Variants in FNDC3B observed in about 807,000 individuals in gnomAD.
The protein encoded by FNDC3B is fibronectin type III domain-containing protein 3B.
Under a neutral mutation model 151.5 loss-of-function variants are expected in FNDC3B, and 12 were observed. That is an observed-to-expected ratio of 0.08 (90% CI 0.05 to 0.13). The LOEUF is 0.13. Among genes scored for constraint, FNDC3B ranks in the 10% least tolerant of loss-of-function variants. The pLI is 1.00. For missense variants in FNDC3B, 1,214 were observed against 1,505.3 expected (o/e 0.81, Z 3.20); for synonymous variants, 528 against 549.0 (o/e 0.96, Z 0.54).
intron 2 of FNDC3B, among the ~76,000 whole-genome samples, chr3:172,132,090 A>G (rs1721134643): frequency 6.6e-6 from 1 of 152,138 alleles, no homozygotes; most frequent in Non-Finnish European, 1.5e-5. Flanking sequence ...TTTTTGTTTG[A>G]TTTAGAACAC....
intron 23 of FNDC3B, among the ~76,000 whole-genome samples, chr3:172,376,762 T>C (rs1044458823): frequency 6.7e-6 from 1 of 149,414 alleles, no homozygotes; most frequent in African/African-American, 2.5e-5. Flanking sequence ...ATAGGTGAAA[T>C]GACCAGGGCT....
chr3:172,326,315 C>T (rs981547715), intron 11 of FNDC3B, among the ~76,000 whole-genome samples: 2 of 152,238 alleles, frequency 1.3e-5, no homozygotes, highest in African/African-American at 4.8e-5. Context: ...CCTCTACAGA[C>T]TCTACAGACA....
At chr3:172,173,232 A>G (rs1235134764) in intron 3 of FNDC3B, among the ~76,000 whole-genome samples, 3 of 152,144 alleles carry the variant, frequency 2.0e-5, no homozygotes, top group Admixed American at 6.5e-5. Context: ...TGCTTGTCAT[A>G]AGGTTATCTG....
chr3:172,070,455 C>A (rs1717712553), intron 1 of FNDC3B, among the ~76,000 whole-genome samples: 1 of 152,120 alleles, frequency 6.6e-6, no homozygotes, highest in South Asian at 2.1e-4. Context: ...GATCCAAAAC[C>A]AGGTCGCATG....
intron 2 of FNDC3B, among the ~76,000 whole-genome samples, chr3:172,124,008 G>C (rs1434766993): frequency 6.6e-6 from 1 of 152,014 alleles, no homozygotes. Flanking sequence ...TACTTCCCAC[G>C]GTCTCTTGCT....
intron 1 of FNDC3B, among the ~76,000 whole-genome samples, chr3:172,097,578 A>T (rs1719153805): frequency 6.6e-6 from 1 of 152,244 alleles, no homozygotes; most frequent in East Asian, 1.9e-4. Flanking sequence ...TATTTTAAAA[A>T]ATATAGCAAG....
chr3:172,077,169 AGT>A (rs1718054472), intron 1 of FNDC3B, among the ~76,000 whole-genome samples: 1 of 152,196 alleles, frequency 6.6e-6, no homozygotes, highest in Non-Finnish European at 1.5e-5. Flanking sequence ...AATAAAAAAA[AGT>A]GTTTATAATA....
chr3:172,235,258 A>G (rs971678804), intron 4 of FNDC3B, among the ~76,000 whole-genome samples: 5 of 152,200 alleles, frequency 3.3e-5, no homozygotes, highest in Non-Finnish European at 7.3e-5. Context: ...GAAATGTCAC[A>G]TTTTGTTAGT....
At chr3:172,152,037 T>C (rs1225388030) in intron 3 of FNDC3B, among the ~76,000 whole-genome samples, 1 of 152,234 alleles carries the variant, frequency 6.6e-6, no homozygotes, top group Non-Finnish European at 1.5e-5. Context: ...CCAGGTTTGA[T>C]GAATTGGCCG....
intron 3 of FNDC3B, among the ~76,000 whole-genome samples, chr3:172,222,945 C>G (rs1726362465): frequency 1.3e-5 from 2 of 152,216 alleles, no homozygotes; most frequent in Non-Finnish European, 2.9e-5. Flanking sequence ...TGTTGCTGGT[C>G]TTTCCTTTTG....
Position 172,384,579 on chromosome 3 carries a change from A to G in FNDC3B, c.3303+3486A>G, listed in dbSNP as rs116570390. Reference sequence around the variant, plus strand: ...ACATTGATCACACATTTGTTATTGTATTGTAAAAATCTTTTATTTTACGTG... The same window carrying G: ...ACATTGATCACACATTTGTTATTGTGTTGTAAAAATCTTTTATTTTACGTG... On this transcript the variant is annotated intron_variant, in intron 25 of 25. Coordinates refer to ENST00000415807, the MANE Select transcript of FNDC3B (RefSeq NM_022763.4). 7.6e-3 allele frequency among the ~76,000 whole-genome samples: 1,153 copies of G among 152,324 alleles called. 9 individuals are homozygous for G. The highest frequency in any genetic ancestry group is 0.012 in the Non-Finnish European group (795 of 68,030).
chr3:172,130,030 C>T lies in FNDC3B; in HGVS notation c.112-3441C>T, dbSNP rs75676019. On this transcript the variant is annotated intron_variant, in intron 2 of 25. Transcript: ENST00000415807. The stretch of plus-strand genomic sequence containing the variant: ...AGGGGGAGAGAGAGAAATTGCCCAA[C>T]TTGTATGATAGGAAAGGTTAAGTGC... Among the ~76,000 whole-genome samples, 1,206 of 152,056 alleles carry T rather than the reference C, an allele frequency of 7.9e-3. 7 individuals are homozygous for T. The highest frequency in any genetic ancestry group is 0.014 in the Non-Finnish European group (939 of 67,994).
At chr3:172,167,012 A>G (rs1025629019) in intron 3 of FNDC3B, among the ~76,000 whole-genome samples, 2 of 152,228 alleles carry the variant, frequency 1.3e-5, no homozygotes, top group East Asian at 1.9e-4. Context: ...TAATTATCCC[A>G]GTAGCACTGC....
intron 4 of FNDC3B, among the ~76,000 whole-genome samples, chr3:172,245,106 T>A (rs1192218834): frequency 2.6e-5 from 4 of 151,376 alleles, no homozygotes; most frequent in Non-Finnish European, 4.4e-5. Flanking sequence ...TACAGGCAAT[T>A]TGTGGTTTCA....
intron 7 of FNDC3B, among the ~76,000 whole-genome samples, chr3:172,286,263 CT>C (rs1730014188): frequency 6.6e-6 from 1 of 150,716 alleles, no homozygotes; most frequent in African/African-American, 2.5e-5. Context: ...TTTTCTCTCT[CT>C]TTTTTCAGTC....
chr3:172,334,534 C>A (rs770748195), intron 14 of FNDC3B, among the ~76,000 whole-genome samples: 1 of 152,122 alleles, frequency 6.6e-6, no homozygotes, highest in Non-Finnish European at 1.5e-5. Flanking sequence ...CCTCTGCCTC[C>A]CAGGTTCAAG....
At chr3:172,253,561 G>A (rs1242642980) in intron 6 of FNDC3B, among the ~76,000 whole-genome samples, 1 of 152,156 alleles carries the variant, frequency 6.6e-6, no homozygotes, top group African/African-American at 2.4e-5. Flanking sequence ...CCCGGAAACA[G>A]ACTTCTTAAC....
chr3:172,064,567 A>G (rs955846129), intron 1 of FNDC3B, among the ~76,000 whole-genome samples: 1 of 152,224 alleles, frequency 6.6e-6, no homozygotes, highest in South Asian at 2.1e-4. Context: ...TGTTTTACTT[A>G]AAAGGGTAAG....
At chr3:172,227,369 T>G (rs1396648644) in intron 4 of FNDC3B, 2 of 154,138 alleles carry the variant, frequency 1.3e-5, no homozygotes, top group African/African-American at 4.8e-5. Flanking sequence ...GGAGTTCAAT[T>G]GCTCCACAAT....
Sources: allele counts gnomAD v4.1 joint callset (sites outside exome capture counted in the v4.1 genomes callset), GRCh38; gene constraint gnomAD v4.1.1; transcripts MANE v1.5; gene names NCBI Gene and HGNC (gene_info 2026-07-23, HGNC 2026-07-21).